Variants in MUC12 observed in about 807,000 individuals in gnomAD.
The protein encoded by MUC12 is mucin-12.
A neutral mutation model predicts 230.8 loss-of-function variants in MUC12; 172 were observed. The observed-to-expected ratio is 0.75, with a 90% CI of 0.66 to 0.85. The LOEUF (loss-of-function observed/expected upper bound fraction) is 0.85. Among genes scored for constraint, MUC12 ranks in the 40% least tolerant of loss-of-function variants. The pLI is 0.00. For synonymous variants in MUC12, 1,259 were observed against 2,401.9 expected, an observed-to-expected ratio of 0.52 and a Z score of 13.91; for missense variants, 3,506 against 5,920.6, an observed-to-expected ratio of 0.59 and a Z score of 13.38.
At position 101,018,584 on chromosome 7, in the gene MUC12, C is replaced by CCGT; in HGVS notation, c.15967-9_15967-7dup. The CCGT allele has an allele frequency of 1.3e-6, 2 of 1,536,204 alleles. No individual in the cohort carries two copies. Among genetic ancestry groups the CCGT allele is most frequent in the African/African-American group, 1.4e-5 (1 of 73,032 alleles). On this transcript the variant is annotated splice_polypyrimidine_tract_variant and intron_variant, in intron 11 of 11. Transcript: ENST00000536621. ...GCCCCTTGGCCTCACCTCTTCTCTC[C>CCGT]CGTCCCCCAGCTCCACATCCAGAGG...
intron 1 of MUC12, among the ~76,000 whole-genome samples, chr7:100,986,037 T>C (rs1205367393): frequency 2.0e-5 from 3 of 152,114 alleles, no homozygotes; most frequent in Non-Finnish European, 2.9e-5. Flanking sequence ...ACGAGAGGAT[T>C]GGGCAAAACC....
intron 10 of MUC12, among the ~76,000 whole-genome samples, chr7:101,015,963 G>A (rs1793910365): frequency 6.6e-6 from 1 of 152,172 alleles, no homozygotes; most frequent in Admixed American, 6.5e-5. Flanking sequence ...GGGTGATAGG[G>A]CCATTCCCAG....
Position 100,969,639 on chromosome 7 carries a change from T to A in MUC12, c.17T>A (p.Ile6Asn), listed in dbSNP as rs891385247. MLVIW[I>N]LTLALRLCAS... ...CCCCGGGAGATGCTGGTGATCTGGA[T>A]TCTGACGCTGGCTCTCCGGCTCTGC... The change falls in exon 1 of 12, where the codon ATT becomes AAT. Residue 6 changes from isoleucine (I) to asparagine (N), a missense_variant. Transcript: ENST00000536621. The A allele has an allele frequency of 3.9e-6, 6 of 1,537,334 alleles. No individual in the cohort carries two copies. The highest frequency in any genetic ancestry group is 4.4e-6 in the Non-Finnish European group (5 of 1,146,970).
chr7:100,975,880 G>A (rs1793022182), intron 1 of MUC12, among the ~76,000 whole-genome samples: 1 of 146,074 alleles, frequency 6.8e-6, no homozygotes, highest in Non-Finnish European at 1.5e-5. Context: ...TCTTGGGGTG[G>A]TAGTGGGATG....
chr7:100,993,019 T>C lies in MUC12; in HGVS notation c.2456T>C (p.Leu819Pro). 9.1e-6 allele frequency: 14 copies of C among 1,536,780 alleles called. No homozygotes were observed. Among genetic ancestry groups the C allele is most frequent in the Non-Finnish European group, 1.2e-5 (14 of 1,147,012 alleles). The change falls in exon 2 of 12, where the codon CTC becomes CCC. Residue 819 changes from leucine to proline, a missense_variant. Transcript: ENST00000536621. ...ALPGSTTTPG[L>P]SERSTTFHSS... ...CCCGGCAGTACCACAACGCCAGGCC[T>C]CAGTGAGAGATCTACCACTTTCCAT...
chr7:100,991,599 C>T lies in MUC12; in HGVS notation c.1036C>T (p.Pro346Ser), dbSNP rs953208891. The change falls in exon 2 of 12, where the codon CCT (proline) becomes TCT (serine). Residue 346 changes from proline (P) to serine (S), a missense_variant. Transcript: ENST00000536621. ...AGTTGCAACTGCAACAACACCCCCA[C>T]CTGCCCGCTCCGCGACCTCAGGCCA... Reference protein sequence around the residue: ...SPVATATTPPPARSATSGHVE... With the variant: ...SPVATATTPPSARSATSGHVE... 29 of 1,537,030 alleles carry T rather than the reference C, an allele frequency of 1.9e-5. No homozygotes were observed. In the African/African-American group the frequency reaches 3.1e-4, roughly 17 times the overall value.
rs1045274976 is a variant in MUC12 at position 101,009,167 on chromosome 7, T to C, written c.15251+8T>C. On this transcript the variant is annotated splice_region_variant and intron_variant, in intron 5 of 11. Coordinates refer to ENST00000536621, the MANE Select transcript of MUC12 (RefSeq NM_001164462.2). ...GAACATTCGGAGATTGCTGTGAGTA[T>C]ATTGGGGGGCAGGTTTATAGATGTG... The C allele has an allele frequency of 1.3e-6, 2 of 1,537,370 alleles. No homozygotes were observed. The highest frequency in any genetic ancestry group is 1.7e-6 in the Non-Finnish European group (2 of 1,146,728).
chr7:100,972,213 G>A (rs1440831668), intron 1 of MUC12: 12 of 702,270 alleles, frequency 1.7e-5, no homozygotes, highest in Non-Finnish European at 2.9e-5. Context: ...ATGAGGATAT[G>A]TAGAGACTCA....
intron 9 of MUC12, chr7:101,015,246 G>A (rs191721921): frequency 4.3e-4 from 107 of 249,158 alleles, no homozygotes; most frequent in Non-Finnish European, 6.4e-4. Context: ...GAGATGGAGC[G>A]TCTGGGTCTC....
In MUC12 at chr7:101,004,780, C is replaced by T. The variant is rs968297832; in HGVS notation, c.14217C>T (p.Thr4739=). The change falls in exon 2 of 12, where the codon ACC becomes ACT. Residue 4739 remains threonine (T), a synonymous_variant. Transcript: ENST00000536621. ...ATTPGLSAKS[T]ILYSSSRSPD... is the part of the protein sequence containing the mutation. ...CACCAGGCCTCAGTGCAAAATCTACCATCCTTTACAGTAGCTCCAGATCAC... is the reference window on the plus strand; with the variant it reads ...CACCAGGCCTCAGTGCAAAATCTACTATCCTTTACAGTAGCTCCAGATCAC... 12 of 1,537,608 alleles carry T rather than the reference C, an allele frequency of 7.8e-6. No individual in the cohort carries two copies. Among genetic ancestry groups the T allele is most frequent in the African/African-American group, 1.4e-5 (1 of 73,002 alleles).
intron 10 of MUC12, among the ~76,000 whole-genome samples, chr7:101,016,080 C>T (rs1179596503): frequency 6.6e-6 from 1 of 152,096 alleles, no homozygotes; most frequent in Non-Finnish European, 1.5e-5. Flanking sequence ...AGCAGGTGTG[C>T]TTCCTCCTTC....
Position 101,004,855 on chromosome 7 carries a change from A to T in MUC12, c.14292A>T (p.Gly4764=), listed in dbSNP as rs941316059. Reference sequence around the variant, plus strand: ...GCATGACAAGCTCCAGCATCAGTGGAGAACCCACCAGCTTGTATAGCCAAG... The same window carrying T: ...GCATGACAAGCTCCAGCATCAGTGGTGAACCCACCAGCTTGTATAGCCAAG... ...PASMTSSSIS[G]EPTSLYSQAE... Residue 4764 remains glycine (G), a synonymous_variant, in exon 2 of 12, where the codon GGA becomes GGT. Coordinates refer to ENST00000536621, the MANE Select transcript of MUC12 (RefSeq NM_001164462.2). 2 of 1,537,198 alleles carry T rather than the reference A, an allele frequency of 1.3e-6. No individual in the cohort carries two copies. Among genetic ancestry groups the T allele is most frequent in the South Asian group, 1.2e-5 (1 of 84,040 alleles).
At chr7:100,987,264 A>G (rs11765902) in intron 1 of MUC12, among the ~76,000 whole-genome samples, 112,826 of 151,470 alleles carry the variant, frequency 0.74, 42,137 homozygotes, top group East Asian at 0.82. Flanking sequence ...ATGGGGTTTC[A>G]CCATATTGGC....
At position 101,004,616 on chromosome 7, in the gene MUC12, G is replaced by C. The variant is rs1042005995; in HGVS notation, c.14053G>C (p.Ala4685Pro). The C allele has an allele frequency of 6.5e-7, 1 of 1,535,624 alleles. No homozygotes were observed. The highest frequency in any genetic ancestry group is 2.0e-5 in the Admixed American group (1 of 50,896). ...TTSGRSEEST[A>P]SHSSPDTNGI... ...CTCCGGCCGTAGTGAGGAATCAACA[G>C]CATCCCACAGCAGCCCAGATACAAA... The change falls in exon 2 of 12, where the codon GCA becomes CCA. Residue 4685 changes from alanine to proline, a missense_variant. By Grantham distance (27) the Ala-to-Pro change is conservative. Coordinates refer to ENST00000536621, the MANE Select transcript of MUC12 (RefSeq NM_001164462.2).
At chr7:101,009,187 G>A (rs1793805510) in intron 5 of MUC12, 28 bp downstream of exon 5, 2 of 1,530,936 alleles carry the variant, frequency 1.3e-6, no homozygotes, top group African/African-American at 1.4e-5. Context: ...CAGGTTTATA[G>A]ATGTGGGGAA....
intron 1 of MUC12, among the ~76,000 whole-genome samples, chr7:100,985,968 C>T (rs1404663385): frequency 2.0e-5 from 3 of 152,150 alleles, no homozygotes; most frequent in Non-Finnish European, 4.4e-5. Context: ...CCTTGGCAGC[C>T]CCTGGAGCTC....
At position 101,004,861 on chromosome 7, in the gene MUC12, C is replaced by A. The variant is rs1471257026; in HGVS notation, c.14298C>A (p.Pro4766=). 1 of 1,537,090 alleles carries A rather than the reference C, an allele frequency of 6.5e-7. No homozygotes were observed. The highest frequency in any genetic ancestry group is 1.4e-5 in the African/African-American group (1 of 73,072). ...SMTSSSISGE[P]TSLYSQAEST... ...CAAGCTCCAGCATCAGTGGAGAACC[C>A]ACCAGCTTGTATAGCCAAGCAGAGT... The change falls in exon 2 of 12, where the codon CCC becomes CCA. Residue 4766 remains proline, a synonymous_variant. Coordinates refer to ENST00000536621, the MANE Select transcript of MUC12 (RefSeq NM_001164462.2).
chr7:100,992,346 A>G lies in MUC12; in HGVS notation c.1783A>G (p.Asn595Asp), dbSNP rs1378533569. ...CACTGAAACAACACTCTTACCTGAC[A>G]ACACCACAGCCTCAGGACTCCTTGA... ...GSTETTLLPD[N>D]TTASGLLEAS... The change falls in exon 2 of 12, where the codon AAC becomes GAC. Residue 595 changes from asparagine to aspartate, a missense_variant. Transcript: ENST00000536621. 3.3e-6 allele frequency: 5 copies of G among 1,536,602 alleles called. No individual in the cohort carries two copies. Among genetic ancestry groups the G allele is most frequent in the Non-Finnish European group, 3.5e-6 (4 of 1,145,982 alleles).
intron 10 of MUC12, 58 bp from the exon 11 acceptor site, chr7:101,017,517 G>T: frequency 2.7e-6 from 3 of 1,099,922 alleles, no homozygotes; most frequent in East Asian, 5.2e-5. Flanking sequence ...AATCCCCTCT[G>T]CCCCCTAGTC....
Sources: gnomAD v4.1 joint callset for allele counts (sites outside exome capture counted in the v4.1 genomes callset) on GRCh38, gnomAD v4.1.1 for gene constraint, MANE v1.5 for transcripts, NCBI Gene and HGNC (gene_info 2026-07-23, HGNC 2026-07-21) for gene names.